Variants in RGS10 observed in about 807,000 individuals in gnomAD.
RGS10 encodes the protein regulator of G protein signaling 10.
Under a neutral mutation model 23.5 loss-of-function variants are expected in RGS10, and 11 were observed. The ratio of observed to expected loss-of-function variants is 0.47; its 90% CI spans 0.29 to 0.77. RGS10 has a LOEUF of 0.77. RGS10 is among the 30% of genes least tolerant of loss of function. The pLI, the probability that RGS10 is intolerant of heterozygous loss-of-function variation, is 0.08. For synonymous variants in RGS10, 77 were observed against 83.2 expected (o/e 0.92, Z 0.41); for missense variants, 180 against 226.3 (o/e 0.80, Z 1.31).
Position 119,519,644 on chromosome 10 carries a change from CCTGT to C in RGS10, c.256-3996_256-3993del, listed in dbSNP as rs758944902. Among the ~76,000 whole-genome samples, 190 of 108,182 alleles carry C rather than the reference CCTGT, an allele frequency of 1.8e-3. 20 individuals are homozygous for C. Among genetic ancestry groups the C allele is most frequent in the African/African-American group, 7.4e-3 (175 of 23,620 alleles). The allele number at this position is 108,182 out of a possible 152,430, so 71.0% of individuals were successfully genotyped here. On this transcript the variant is annotated intron_variant, in intron 3 of 4. Coordinates refer to ENST00000369103, the MANE Select transcript of RGS10 (RefSeq NM_001005339.2). ...GTATCTGTCTCCCAGCTCCTGTCTC[CCTGT>C]CTGTCTCCCAGCTCCTGTCTCCCTG...
At chr10:119,505,214 C>T (rs1412971203) in intron 4 of RGS10, among the ~76,000 whole-genome samples, 4 of 151,914 alleles carry the variant, frequency 2.6e-5, no homozygotes, top group South Asian at 4.2e-4. Flanking sequence ...AGCAGGAGGC[C>T]GCAGGTGAGT....
rs1167398094 is a variant in RGS10, at chr10:119,517,075, CT to C, written c.256-1424del. On this transcript the variant is annotated intron_variant, in intron 3 of 4. Transcript: ENST00000369103. This position sits in a 1 kb window ranked among gnomAD's most constrained non-coding sequence, Gnocchi z 5.0. ...CTGGGGCTCCGCATGTGCTGTGGGG[CT>C]TGGTTTGGGAAATCCCAAGCTCTGC... is the stretch of plus-strand genomic sequence containing the variant. Among the ~76,000 whole-genome samples, 2 of 152,208 alleles carry C rather than the reference CT, an allele frequency of 1.3e-5. No individual in the cohort carries two copies. The highest frequency in any genetic ancestry group is 1.3e-4 in the Admixed American group (2 of 15,288).
Position 119,515,609 on chromosome 10 carries a change from C to T in RGS10, c.299G>A (p.Ser100Asn), listed in dbSNP as rs539782612. The T allele has an allele frequency of 8.1e-6, 13 of 1,614,178 alleles. No individual in the cohort carries two copies. The East Asian group carries it at 2.9e-4, about 36-fold the overall frequency. Residue 100 changes from serine to asparagine, a missense_variant, in exon 4 of 5, where the codon AGC becomes AAC. Transcript: ENST00000369103. Reference sequence around the variant, plus strand: ...CACGTTGACCTGTGATGAGGCCTTGCTGGACAGAAAGGTCATGTAGATCTC... The same window carrying T: ...CACGTTGACCTGTGATGAGGCCTTGTTGGACAGAAAGGTCATGTAGATCTC... ...AKEIYMTFLS[S>N]KASSQVNVEG... is the part of the protein sequence containing the mutation.
Position 119,538,110 on chromosome 10 carries a change from C to A in RGS10, c.49+4480G>T, listed in dbSNP as rs758957209. ...TTGTTTGTTTCTAATGTCCTGACTA[C>A]AGAAAAGAAGGAAGGGAGGGAAGGA... On this transcript the variant is annotated intron_variant, in intron 1 of 4. Transcript: ENST00000369103. The surrounding 1 kb of genome is among the most constrained non-coding windows in gnomAD (Gnocchi z 4.5). Among the ~76,000 whole-genome samples the A allele has an allele frequency of 5.5e-4, 78 of 141,936 alleles. 3 individuals are homozygous for A. The highest frequency in any genetic ancestry group is 2.2e-4 in the South Asian group (1 of 4,544). 93.1% of individuals were successfully genotyped at this position (141,936 alleles called of 152,430 possible). A position where few individuals can be genotyped will look rare whatever the true frequency, so the allele number is the denominator to read the frequency against.
chr10:119,511,956 G>C (rs1241661669), intron 4 of RGS10, among the ~76,000 whole-genome samples: 2 of 152,192 alleles, frequency 1.3e-5, no homozygotes, highest in Non-Finnish European at 2.9e-5. Context: ...TGCAAACCAA[G>C]AATAAACAGG....
intron 1 of RGS10, among the ~76,000 whole-genome samples, chr10:119,530,506 T>C (rs1844321267): frequency 6.6e-6 from 1 of 152,016 alleles, no homozygotes; most frequent in Non-Finnish European, 1.5e-5. Context: ...CTGAGCAACA[T>C]ACTGGGACCC....
intron 4 of RGS10, among the ~76,000 whole-genome samples, chr10:119,511,362 T>C (rs1235046845): frequency 6.6e-6 from 1 of 152,156 alleles, no homozygotes; most frequent in African/African-American, 2.4e-5. Context: ...CTCACACCTG[T>C]AATCCCAGTA....
chr10:119,499,834 A>G lies in RGS10; in HGVS notation c.*279T>C. 1 of 317,402 alleles carries G rather than the reference A, an allele frequency of 3.2e-6. No homozygotes were observed. The highest frequency in any genetic ancestry group is 5.8e-6 in the Non-Finnish European group (1 of 171,826). The allele number at this position is 317,402 out of a possible 1,614,324, so 19.7% of individuals were successfully genotyped here. On this transcript the variant is annotated 3_prime_UTR_variant, in exon 5 of 5. Transcript: ENST00000369103. ...GTGATACGTTTCACCTTGTGGCCTT[A>G]CATGAGGTTTAATTAAGCTACAAAA...
chr10:119,509,906 A>G (rs1844057569), intron 4 of RGS10, among the ~76,000 whole-genome samples: 1 of 141,786 alleles, frequency 7.1e-6, no homozygotes, highest in Admixed American at 7.0e-5. Flanking sequence ...GATAACAGTG[A>G]TGAATCTGGC....
intron 1 of RGS10, among the ~76,000 whole-genome samples, chr10:119,529,278 C>G (rs1044819813): frequency 2.6e-5 from 4 of 151,972 alleles, no homozygotes; most frequent in Middle Eastern, 3.2e-3. Context: ...CATGGTGAAA[C>G]CCCGTCTGTA....
At position 119,527,069 on chromosome 10, in the gene RGS10, C is replaced by T. The variant is rs959588008; in HGVS notation, c.168+237G>A. Among the ~76,000 whole-genome samples, 48 of 152,038 alleles carry T rather than the reference C, an allele frequency of 3.2e-4. No homozygotes were observed. Among genetic ancestry groups the T allele is most frequent in the African/African-American group, 1.2e-3 (48 of 41,456 alleles). On this transcript the variant is annotated intron_variant, in intron 2 of 4. Coordinates refer to ENST00000369103, the MANE Select transcript of RGS10 (RefSeq NM_001005339.2). This position sits in a 1 kb window ranked among gnomAD's most constrained non-coding sequence, Gnocchi z 4.2. ...TCTCTCCTCCCACCCTGTACCCCTC[C>T]CACCTCACTACACAAAAACCAGAAA...
Position 119,517,391 on chromosome 10 carries a change from G to A in RGS10, c.256-1739C>T, listed in dbSNP as rs1844156407. Among the ~76,000 whole-genome samples, 1 of 152,192 alleles carries A rather than the reference G, an allele frequency of 6.6e-6. No individual in the cohort carries two copies. The highest frequency in any genetic ancestry group is 1.5e-5 in the Non-Finnish European group (1 of 68,032). The stretch of plus-strand genomic sequence containing the variant: ...ACAGGAGTCTCTCCAGACAAGCGTG[G>A]CTATCTAAGGGACAGGTCTGGGGGC... On this transcript the variant is annotated intron_variant, in intron 3 of 4. Coordinates refer to ENST00000369103, the MANE Select transcript of RGS10 (RefSeq NM_001005339.2). The surrounding 1 kb of genome is among the most constrained non-coding windows in gnomAD (Gnocchi z 5.0).
At chr10:119,533,288 C>T (rs1021124005) in intron 1 of RGS10, among the ~76,000 whole-genome samples, 3 of 151,394 alleles carry the variant, frequency 2.0e-5, no homozygotes, top group South Asian at 4.2e-4. Flanking sequence ...GCTGAGATTG[C>T]GCCACTGCAC....
intron 3 of RGS10, 87 bp downstream of exon 3, chr10:119,525,945 T>C (rs184805443): frequency 1.2e-4 from 73 of 625,974 alleles, no homozygotes; most frequent in African/African-American, 1.0e-3. Flanking sequence ...CTAATATGAA[T>C]CAGGTTTCTT....
At chr10:119,533,218 G>A (rs558850281) in intron 1 of RGS10, among the ~76,000 whole-genome samples, 68 of 151,722 alleles carry the variant, frequency 4.5e-4, no homozygotes, top group African/African-American at 1.6e-3. Flanking sequence ...TGTAATCCTA[G>A]CTACTCAGGA....
chr10:119,519,109 C>T (rs376252151), intron 3 of RGS10, among the ~76,000 whole-genome samples: 20 of 152,340 alleles, frequency 1.3e-4, no homozygotes, highest in African/African-American at 4.3e-4. Flanking sequence ...GCCCAGCCAG[C>T]GCTGCTCCAC....
chr10:119,516,112 C>G (rs774267261), intron 3 of RGS10, among the ~76,000 whole-genome samples: 1 of 151,984 alleles, frequency 6.6e-6, no homozygotes, highest in East Asian at 1.9e-4. Context: ...ATTAGCCAGG[C>G]GTGGTGGTGC....
At chr10:119,504,720 A>C (rs908232422) in intron 4 of RGS10, among the ~76,000 whole-genome samples, 1 of 152,112 alleles carries the variant, frequency 6.6e-6, no homozygotes, top group Admixed American at 6.6e-5. Context: ...TGAGGGAAGA[A>C]GGCGTGTGAA....
At chr10:119,507,294 A>G (rs147602102) in intron 4 of RGS10, among the ~76,000 whole-genome samples, 1 of 152,246 alleles carries the variant, frequency 6.6e-6, no homozygotes, top group Non-Finnish European at 1.5e-5. Context: ...AGAGGGGACC[A>G]TGGTCATGCA....
Sources: gnomAD v4.1 joint callset for allele counts (sites outside exome capture counted in the v4.1 genomes callset) on GRCh38, gnomAD v4.1.1 for gene constraint, Gnocchi (gnomAD v3.1) non-coding constraint, MANE v1.5 for transcripts, NCBI Gene and HGNC (gene_info 2026-07-23, HGNC 2026-07-21) for gene names.